The following ADD1 variants were observed in gnomAD, a reference collection of about 807,000 sequenced individuals.
ADD1 encodes adducin 1, also known as alpha-adducin.
A neutral mutation model predicts 80.5 loss-of-function variants in ADD1; 24 were observed. The observed-to-expected ratio is 0.30, with a 90% CI of 0.22 to 0.42. The LOEUF (loss-of-function observed/expected upper bound fraction) is 0.42. ADD1 is among the 10% of genes least tolerant of loss of function. The pLI, the probability that ADD1 is intolerant of heterozygous loss-of-function variation, is 1.00. For missense variants in ADD1, 948 were observed against 1,019.0 expected (o/e 0.93, Z 0.95); for synonymous variants, 373 against 393.8 (o/e 0.95, Z 0.63).
rs767173436 is a variant in ADD1 at position 2,928,268 on chromosome 4, C to G, written c.2145C>G (p.Leu715=). The change falls in exon 16 of 16, where the codon CTC becomes CTG. Residue 715 remains leucine, a synonymous_variant. Coordinates refer to ENST00000683351, the MANE Select transcript of ADD1 (RefSeq NM_001354761.2). ...DLSPDEPSEA[L]GFPMLEKEEE... ...CCCCTGATGAACCTTCAGAAGCACT[C>G]GGCTTCCCAATGTTAGAGAAGGAGG... 3.1e-6 allele frequency: 5 copies of G among 1,614,080 alleles called. No homozygotes were observed. The highest frequency in any genetic ancestry group is 3.4e-6 in the Non-Finnish European group (4 of 1,180,028).
chr4:2,926,639 C>T lies in ADD1; in HGVS notation c.2047+527C>T, dbSNP rs1216356605. 6.2e-7 allele frequency: 1 copy of T among 1,613,778 alleles called. No homozygotes were observed. Among genetic ancestry groups the T allele is most frequent in the East Asian group, 2.2e-5 (1 of 44,878 alleles). On this transcript the variant is annotated intron_variant, in intron 15 of 15. Transcript: ENST00000683351. This position sits in a 1 kb window ranked among gnomAD's most constrained non-coding sequence, Gnocchi z 5.0. ...TTTCTCCCTGTGGCTGCGTCACAAG[C>T]AGGAGACGGATGCGCTAGAGAGTAC...
At position 2,928,561 on chromosome 4, in the gene ADD1, T is replaced by C; in HGVS notation, c.*38T>C. 1 of 1,581,512 alleles carries C rather than the reference T, an allele frequency of 6.3e-7. No individual in the cohort carries two copies. Among genetic ancestry groups the C allele is most frequent in the Non-Finnish European group, 8.6e-7 (1 of 1,166,978 alleles). ...AACACTGTCCTGTCCGGAGCGACCC[T>C]GGCTCTGCCAGCGTCCCCGGCCACG... On this transcript the variant is annotated 3_prime_UTR_variant, in exon 16 of 16. Transcript: ENST00000683351.
chr4:2,918,117 A>G (rs2109151742), intron 14 of ADD1, among the ~76,000 whole-genome samples: 1 of 152,352 alleles, frequency 6.6e-6, no homozygotes, highest in South Asian at 2.1e-4. Context: ...TTTGGGCAGT[A>G]TGGCCGTTTT....
Position 2,926,766 on chromosome 4 carries a change from G to A in ADD1, c.2047+654G>A. On this transcript the variant is annotated intron_variant, in intron 15 of 15. Transcript: ENST00000683351. The surrounding 1 kb of genome is among the most constrained non-coding windows in gnomAD (Gnocchi z 5.0). ...TGTTGTTTATTAAGTTTTGTTTTCT[G>A]TTTATTTAAAATAAAAACAGAAGCC... The A allele has an allele frequency of 7.7e-6, 11 of 1,429,880 alleles. No homozygotes were observed. The highest frequency in any genetic ancestry group is 1.1e-5 in the Non-Finnish European group (11 of 1,041,698). The allele number at this position is 1,429,880 out of a possible 1,614,324, so 88.6% of individuals were successfully genotyped here.
At chr4:2,908,470 G>A (rs1036990320) in intron 11 of ADD1, 45 bp from the exon 12 acceptor site, 1 of 1,555,754 alleles carries the variant, frequency 6.4e-7, no homozygotes, top group Admixed American at 1.7e-5. Context: ...CAGGCAGCAT[G>A]GCTGCTCAGG....
intron 12 of ADD1, 36 bp from the exon 13 acceptor site, chr4:2,909,303 C>G (rs892598641): frequency 6.7e-7 from 1 of 1,501,200 alleles, no homozygotes; most frequent in Non-Finnish European, 9.1e-7. Context: ...ACAGGCTGGG[C>G]CTGGTGTGCT....
chr4:2,849,413 G>A (rs1726732819), intron 1 of ADD1, among the ~76,000 whole-genome samples: 1 of 152,202 alleles, frequency 6.6e-6, no homozygotes, highest in Non-Finnish European at 1.5e-5. Context: ...TCTAGGCCTT[G>A]GGCCCAGGGA....
rs1160951757 is a variant in ADD1, at chr4:2,926,512, G to A, written c.2047+400G>A. ...GTGTGATCCCGGGTGTCTGTCCCTCGGTCTCGTACATCCATGTCTCTCGTG... is the reference window on the plus strand; with the variant it reads ...GTGTGATCCCGGGTGTCTGTCCCTCAGTCTCGTACATCCATGTCTCTCGTG... On this transcript the variant is annotated intron_variant, in intron 15 of 15. Coordinates refer to ENST00000683351, the MANE Select transcript of ADD1 (RefSeq NM_001354761.2). The surrounding 1 kb of genome is among the most constrained non-coding windows in gnomAD (Gnocchi z 5.0). 1.6e-5 allele frequency: 15 copies of A among 965,250 alleles called. No individual in the cohort carries two copies. The highest frequency in any genetic ancestry group is 2.8e-5 in the South Asian group (2 of 70,986). The allele number at this position is 965,250 out of a possible 1,614,324, so 59.8% of individuals were successfully genotyped here. A position where few individuals can be genotyped will look rare whatever the true frequency, so the allele number is the denominator to read the frequency against.
chr4:2,858,147 T>TC (rs1441409374), intron 1 of ADD1, among the ~76,000 whole-genome samples: 1 of 152,136 alleles, frequency 6.6e-6, no homozygotes, highest in African/African-American at 2.4e-5. Context: ...GAGATATGTG[T>TC]CCCCCTGCAA....
At chr4:2,910,925 T>C (rs900473865) in intron 13 of ADD1, among the ~76,000 whole-genome samples, 1 of 152,172 alleles carries the variant, frequency 6.6e-6, no homozygotes, top group African/African-American at 2.4e-5. Context: ...TCTACCTCCT[T>C]ATATCTGAAG....
chr4:2,863,314 C>T (rs1446562399), intron 1 of ADD1, among the ~76,000 whole-genome samples: 1 of 151,192 alleles, frequency 6.6e-6, no homozygotes, highest in East Asian at 1.9e-4. Context: ...CCACCTCTGC[C>T]TCCCAAGGTG....
chr4:2,883,333 G>A (rs1732691893), intron 3 of ADD1, among the ~76,000 whole-genome samples: 1 of 148,484 alleles, frequency 6.7e-6, no homozygotes, highest in Non-Finnish European at 1.5e-5. Flanking sequence ...TTTTTTTTTA[G>A]TATTATTTGA....
intron 1 of ADD1, among the ~76,000 whole-genome samples, chr4:2,863,298 A>G (rs185971270): frequency 1.1e-3 from 172 of 150,458 alleles, no homozygotes; most frequent in Admixed American, 3.8e-3. Context: ...GGCTGAAGCA[A>G]TCTGCCCACC....
intron 1 of ADD1, 41 bp from the exon 2 acceptor site, chr4:2,875,855 T>C (rs1345344115): frequency 6.8e-7 from 1 of 1,461,516 alleles, no homozygotes; most frequent in African/African-American, 1.4e-5. Context: ...CTGTTAGACA[T>C]TGATTTGAAA....
chr4:2,852,248 T>TTTCTTTCG (rs1727342676), intron 1 of ADD1, among the ~76,000 whole-genome samples: 1 of 77,800 alleles, frequency 1.3e-5, no homozygotes, highest in Admixed American at 1.3e-4. Flanking sequence ...TCTTTCTTTC[T>TTTCTTTCG]CTTTCTTTCT....
At position 2,898,501 on chromosome 4, in the gene ADD1, C is replaced by T. The variant is rs775906982; in HGVS notation, c.954C>T (p.Ile318=). 5 of 1,614,192 alleles carry T rather than the reference C, an allele frequency of 3.1e-6. No individual in the cohort carries two copies. The highest frequency in any genetic ancestry group is 4.2e-6 in the Non-Finnish European group (5 of 1,180,034). The change falls in exon 8 of 16, where the codon ATC becomes ATT. Residue 318 remains isoleucine (I), a synonymous_variant. Coordinates refer to ENST00000683351, the MANE Select transcript of ADD1 (RefSeq NM_001354761.2). ...GESVEEAFYY[I]HNLVVACEIQ... ...GCGTTGAGGAGGCCTTCTATTACAT[C>T]CATAACCTTGTGGTTGCCTGTGAGA...
At chr4:2,919,044 T>C (rs1296911320) in intron 14 of ADD1, among the ~76,000 whole-genome samples, 1 of 152,056 alleles carries the variant, frequency 6.6e-6, no homozygotes, top group African/African-American at 2.4e-5. Context: ...TTTCACCATG[T>C]TGGCCAGGAT....
Position 2,899,427 on chromosome 4 carries a change from G to A in ADD1, c.1153G>A (p.Asp385Asn), listed in dbSNP as rs531177121. The A allele has an allele frequency of 6.2e-6, 10 of 1,614,176 alleles. No homozygotes were observed. Among genetic ancestry groups the A allele is most frequent in the East Asian group, 4.5e-5 (2 of 44,886 alleles). ...ATTTGAAGCCCTCATGCGGATGCTC[G>A]ATAATCTGGTAAGAATGGTGCCACC... ...QEFEALMRMLDNLGYRTGYPY... is the reference protein window; with the variant it reads ...QEFEALMRMLNNLGYRTGYPY... The change falls in exon 9 of 16, where the codon GAT becomes AAT. Residue 385 changes from aspartate (D) to asparagine (N), a missense_variant. Physicochemically the swap from Asp to Asn is conservative, Grantham distance 23. Coordinates refer to ENST00000683351, the MANE Select transcript of ADD1 (RefSeq NM_001354761.2).
intron 1 of ADD1, among the ~76,000 whole-genome samples, chr4:2,873,004 TA>T (rs1028876384): frequency 2.7e-4 from 41 of 152,158 alleles, no homozygotes; most frequent in African/African-American, 7.7e-4. Flanking sequence ...ATATTATTAT[TA>T]TTTTTTAAGA....
Sources: allele counts gnomAD v4.1 joint callset (sites outside exome capture counted in the v4.1 genomes callset), GRCh38; gene constraint gnomAD v4.1.1; non-coding constraint Gnocchi (gnomAD v3.1); transcripts MANE v1.5; gene names NCBI Gene and HGNC (gene_info 2026-07-23, HGNC 2026-07-21).